The following MAP2 variants were observed in gnomAD, a reference collection of about 807,000 sequenced individuals.
MAP2 encodes microtubule associated protein 2.
In MAP2, 14 loss-of-function variants were observed where a neutral mutation model predicts 137.6. The observed-to-expected ratio is 0.10, with a 90% confidence interval of 0.07 to 0.16. MAP2 has a LOEUF of 0.16. Ranked by LOEUF, MAP2 falls within the 10% of genes least tolerant of loss-of-function variation. The pLI is 1.00. For missense variants in MAP2, 2,088 were observed against 2,191.5 expected, an observed-to-expected ratio of 0.95 and a Z score of 0.94; for synonymous variants, 786 against 782.3, an observed-to-expected ratio of 1.00 and a Z score of -0.08.
At chr2:209,669,032 A>G (rs3768828) in intron 5 of MAP2, among the ~76,000 whole-genome samples, 35,724 of 151,948 alleles carry the variant, frequency 0.24, 6,967 homozygotes, top group African/African-American at 0.54. Context: ...CTGTCAAGTC[A>G]TTTCAGGTGC....
At chr2:209,442,525 C>T (rs1698053331) in intron 1 of MAP2, among the ~76,000 whole-genome samples, 1 of 151,640 alleles carries the variant, frequency 6.6e-6, no homozygotes, top group African/African-American at 2.4e-5. Context: ...ATTATCTCCT[C>T]ATCCTCTACC....
intron 1 of MAP2, among the ~76,000 whole-genome samples, chr2:209,434,379 G>T (rs1376048810): frequency 1.3e-5 from 2 of 151,814 alleles, no homozygotes; most frequent in Non-Finnish European, 2.9e-5. Flanking sequence ...TAATTTAGGA[G>T]AAATTAATAT....
chr2:209,519,420 G>A (rs2062964300), intron 2 of MAP2, among the ~76,000 whole-genome samples: 1 of 152,018 alleles, frequency 6.6e-6, no homozygotes, highest in South Asian at 2.1e-4. Context: ...AAGAAGTTTT[G>A]CAACTTGGAG....
intron 12 of MAP2, among the ~76,000 whole-genome samples, chr2:209,706,000 A>T (rs1484708900): frequency 6.6e-6 from 1 of 152,176 alleles, no homozygotes; most frequent in African/African-American, 2.4e-5. Flanking sequence ...TTTTGCTTCA[A>T]ATTTAGAGCA....
chr2:209,483,918 C>G (rs1288185247), intron 1 of MAP2, among the ~76,000 whole-genome samples: 27 of 152,124 alleles, frequency 1.8e-4, no homozygotes, highest in Admixed American at 1.2e-3. Flanking sequence ...GGCCTCAGAG[C>G]ACTTCCAGAG....
chr2:209,486,158 G>A (rs1322368373), intron 1 of MAP2, among the ~76,000 whole-genome samples: 1 of 152,062 alleles, frequency 6.6e-6, no homozygotes, highest in African/African-American at 2.4e-5. Context: ...GCCTTGCCCT[G>A]AAGCACGTCT....
intron 1 of MAP2, among the ~76,000 whole-genome samples, chr2:209,500,026 G>T (rs941783684): frequency 6.6e-6 from 1 of 152,144 alleles, no homozygotes; most frequent in Non-Finnish European, 1.5e-5. Flanking sequence ...TGCAATAGTT[G>T]TAACACTCTC....
chr2:209,518,246 A>AG (rs140878352), intron 2 of MAP2, among the ~76,000 whole-genome samples: 3,289 of 152,116 alleles, frequency 0.022, 40 homozygotes, highest in Non-Finnish European at 0.033. Flanking sequence ...CAGTCAAGAG[A>AG]GGGGAAAACT....
At chr2:209,611,143 C>T (rs1376788829) in intron 3 of MAP2, among the ~76,000 whole-genome samples, 3 of 152,104 alleles carry the variant, frequency 2.0e-5, no homozygotes, top group Non-Finnish European at 4.4e-5. Context: ...AATATTTAAA[C>T]TAACAGCTAT....
At chr2:209,660,052 G>A (rs1377323049) in intron 5 of MAP2, among the ~76,000 whole-genome samples, 1 of 151,820 alleles carries the variant, frequency 6.6e-6, no homozygotes, top group Non-Finnish European at 1.5e-5. Context: ...AAAAAATGCT[G>A]GTCACAGTAG....
At chr2:209,528,886 GTATATACATA>G (rs747813612) in intron 2 of MAP2, among the ~76,000 whole-genome samples, 34 of 138,928 alleles carry the variant, frequency 2.4e-4, no homozygotes, top group Non-Finnish European at 4.2e-4. Context: ...ATATATGTGT[GTATATACATA>G]TATATACACA....
rs75475054 is a variant in MAP2 at position 209,548,566 on chromosome 2, A to G, written c.-171-31470A>G. Among the ~76,000 whole-genome samples the G allele has an allele frequency of 9.5e-3, 1,454 of 152,324 alleles. 19 individuals are homozygous for G. The highest frequency in any genetic ancestry group is 0.034 in the African/African-American group (1,394 of 41,556). On this transcript the variant is annotated intron_variant, in intron 2 of 15. Coordinates refer to ENST00000682079, the MANE Select transcript of MAP2 (RefSeq NM_001375505.1). ...AAAATATTAGCCAGAAATGCAATCAATTGTTCAATGATACCATAAGAGACT... is the reference window on the plus strand; with the variant it reads ...AAAATATTAGCCAGAAATGCAATCAGTTGTTCAATGATACCATAAGAGACT...
chr2:209,607,817 T>C (rs2085328233), intron 3 of MAP2, among the ~76,000 whole-genome samples: 1 of 152,186 alleles, frequency 6.6e-6, no homozygotes, highest in African/African-American at 2.4e-5. Flanking sequence ...CCCCTTTTAC[T>C]CCAGAGTCCT....
intron 4 of MAP2, among the ~76,000 whole-genome samples, chr2:209,640,880 C>CTTTTTTTTTTTTT (rs71043944): frequency 7.3e-6 from 1 of 137,388 alleles, no homozygotes; most frequent in Admixed American, 7.4e-5. Flanking sequence ...ATTATCTATT[C>CTTTTTTTTTTTTT]TTTTTTTTTT....
chr2:209,636,643 C>T (rs1199092430), intron 4 of MAP2, among the ~76,000 whole-genome samples: 1 of 151,792 alleles, frequency 6.6e-6, no homozygotes, highest in African/African-American at 2.4e-5. Context: ...TGCATATGCA[C>T]ACTGATATAT....
intron 2 of MAP2, among the ~76,000 whole-genome samples, chr2:209,519,585 T>C (rs2150371117): frequency 6.6e-6 from 1 of 152,130 alleles, no homozygotes; most frequent in Middle Eastern, 3.4e-3. Flanking sequence ...TAGTTAGCCA[T>C]CATTAAGATT....
At chr2:209,692,510 C>A in intron 7 of MAP2, 115 bp from the exon 8 acceptor site, 1 of 1,136,922 alleles carries the variant, frequency 8.8e-7, no homozygotes, top group Non-Finnish European at 1.2e-6. Context: ...CTTGCATGTT[C>A]CATAATTTTT....
intron 7 of MAP2, among the ~76,000 whole-genome samples, chr2:209,691,596 C>G (rs1316863914): frequency 6.6e-6 from 1 of 152,110 alleles, no homozygotes; most frequent in Non-Finnish European, 1.5e-5. Flanking sequence ...ACATTTAGCT[C>G]TAATGACCAC....
chr2:209,711,086 G>A (rs933153718), intron 13 of MAP2, among the ~76,000 whole-genome samples: 1 of 152,134 alleles, frequency 6.6e-6, no homozygotes, highest in Non-Finnish European at 1.5e-5. Flanking sequence ...TCATTGAAGA[G>A]ATATAAAACA....
Sources: allele counts gnomAD v4.1 joint callset (sites outside exome capture counted in the v4.1 genomes callset), GRCh38; gene constraint gnomAD v4.1.1; transcripts MANE v1.5; gene names NCBI Gene and HGNC (gene_info 2026-07-23, HGNC 2026-07-21).